ATRNL1: variants seen among roughly 807,000 people sequenced by gnomAD.
ATRNL1 encodes the protein attractin like 1.
In ATRNL1, 95 loss-of-function variants were observed where a neutral mutation model predicts 182.7. The ratio of observed to expected loss-of-function variants is 0.52; its 90% CI spans 0.44 to 0.62. The LOEUF (loss-of-function observed/expected upper bound fraction) is 0.62. ATRNL1 is among the 20% of genes least tolerant of loss of function. ATRNL1 has a pLI of 0.00. For missense variants in ATRNL1, 1,471 were observed against 1,679.5 expected, an observed-to-expected ratio of 0.88 and a Z score of 2.17; for synonymous variants, 576 against 568.3, an observed-to-expected ratio of 1.01 and a Z score of -0.19.
intron 25 of ATRNL1, among the ~76,000 whole-genome samples, chr10:115,536,028 G>T (rs1351754391): frequency 2.0e-5 from 3 of 151,918 alleles, no homozygotes; most frequent in African/African-American, 7.3e-5. Context: ...ACTGGGGGGA[G>T]CCTCCCAGTT....
At chr10:115,490,466 T>C (rs1162720517) in intron 24 of ATRNL1, among the ~76,000 whole-genome samples, 1 of 152,192 alleles carries the variant, frequency 6.6e-6, no homozygotes, top group Non-Finnish European at 1.5e-5. Flanking sequence ...TTTATTTCTT[T>C]GAGTTGATCT....
intron 26 of ATRNL1, among the ~76,000 whole-genome samples, chr10:115,561,015 C>T (rs939750788): frequency 5.9e-5 from 9 of 151,942 alleles, no homozygotes; most frequent in East Asian, 1.9e-4. Flanking sequence ...CAATAGGAAT[C>T]GATACACCAA....
In ATRNL1 at chr10:115,309,904, A is replaced by G. The variant is rs1195928050; in HGVS notation, c.2819-5614A>G. 2.0e-5 allele frequency among the ~76,000 whole-genome samples: 3 copies of G among 152,116 alleles called. No homozygotes were observed. The East Asian group carries it at 5.8e-4, about 29-fold the overall frequency. On this transcript the variant is annotated intron_variant, in intron 17 of 28. Transcript: ENST00000355044. Reference sequence around the variant, plus strand: ...AGTACTATATTAAATAGAAGTGACGAAAGTGGGCCTACCTGTCTTCTTCTA... The same window carrying G: ...AGTACTATATTAAATAGAAGTGACGGAAGTGGGCCTACCTGTCTTCTTCTA...
intron 26 of ATRNL1, among the ~76,000 whole-genome samples, chr10:115,691,740 A>C (rs11197409): frequency 0.33 from 49,782 of 151,930 alleles, 8,959 homozygotes; most frequent in Middle Eastern, 0.41. Flanking sequence ...TCAATCAATC[A>C]ATCAATCAAT....
intron 26 of ATRNL1, among the ~76,000 whole-genome samples, chr10:115,670,190 A>T (rs1555040971): frequency 6.6e-6 from 1 of 152,054 alleles, no homozygotes; most frequent in Non-Finnish European, 1.5e-5. Flanking sequence ...ATCCATATAC[A>T]TAGGGATAGT....
chr10:115,832,984 A>C (rs1328023089), intron 27 of ATRNL1, among the ~76,000 whole-genome samples: 1 of 152,200 alleles, frequency 6.6e-6, no homozygotes, highest in Admixed American at 6.5e-5. Flanking sequence ...TTTATGTCCC[A>C]GTATTTCATT....
intron 15 of ATRNL1, among the ~76,000 whole-genome samples, chr10:115,297,066 C>G (rs1853229591): frequency 6.6e-6 from 1 of 152,084 alleles, no homozygotes; most frequent in Non-Finnish European, 1.5e-5. Flanking sequence ...CTATGTCTTA[C>G]AGGATTTGGA....
chr10:115,698,522 G>A (rs1006759160), intron 26 of ATRNL1, among the ~76,000 whole-genome samples: 2 of 152,184 alleles, frequency 1.3e-5, no homozygotes, highest in East Asian at 1.9e-4. Flanking sequence ...GCTCAAGCCT[G>A]TAATCCCAGC....
chr10:115,773,989 T>G (rs1725182279), intron 27 of ATRNL1, among the ~76,000 whole-genome samples: 1 of 152,106 alleles, frequency 6.6e-6, no homozygotes, highest in Non-Finnish European at 1.5e-5. Context: ...AACCTGAGGT[T>G]CAAGAGCCTA....
intron 20 of ATRNL1, among the ~76,000 whole-genome samples, chr10:115,419,186 C>A (rs529707807): frequency 3.3e-5 from 5 of 151,938 alleles, no homozygotes; most frequent in African/African-American, 7.2e-5. Flanking sequence ...CTTTCCTTTG[C>A]GATCAAAATT....
chr10:115,873,868 G>A (rs1555106643), intron 28 of ATRNL1, among the ~76,000 whole-genome samples: 1 of 152,138 alleles, frequency 6.6e-6, no homozygotes. Flanking sequence ...AAATGATATT[G>A]AGAATTCTCT....
At chr10:115,575,795 C>A (rs1854668137) in intron 26 of ATRNL1, among the ~76,000 whole-genome samples, 1 of 151,900 alleles carries the variant, frequency 6.6e-6, no homozygotes. Flanking sequence ...TTTCAATATA[C>A]AATACAGTAT....
intron 15 of ATRNL1, among the ~76,000 whole-genome samples, chr10:115,292,312 T>C (rs1554921136): frequency 6.6e-6 from 1 of 151,942 alleles, no homozygotes; most frequent in Non-Finnish European, 1.5e-5. Context: ...ACATTTTGTG[T>C]CATTGATCTT....
intron 26 of ATRNL1, among the ~76,000 whole-genome samples, chr10:115,669,562 C>A (rs1371210562): frequency 1.3e-5 from 2 of 152,040 alleles, no homozygotes; most frequent in Non-Finnish European, 1.5e-5. Context: ...TGGGAGAATC[C>A]CTTTCTTGTG....
chr10:115,200,496 T>C (rs1315980118), intron 8 of ATRNL1, among the ~76,000 whole-genome samples: 1 of 150,582 alleles, frequency 6.6e-6, no homozygotes, highest in Admixed American at 6.6e-5. Flanking sequence ...TTTGTCCTTG[T>C]GATAGTTTAC....
chr10:115,197,948 C>A (rs1046474694), intron 8 of ATRNL1, among the ~76,000 whole-genome samples: 1 of 152,126 alleles, frequency 6.6e-6, no homozygotes, highest in Non-Finnish European at 1.5e-5. Context: ...GATTCCATAT[C>A]TTGGCTATTG....
intron 1 of ATRNL1, among the ~76,000 whole-genome samples, chr10:115,105,383 A>G (rs1159542936): frequency 6.6e-6 from 1 of 152,234 alleles, no homozygotes; most frequent in Non-Finnish European, 1.5e-5. Context: ...ACAGAGCATA[A>G]AAATTTGGGA....
At chr10:115,368,714 C>G (rs1015326550) in intron 19 of ATRNL1, among the ~76,000 whole-genome samples, 1 of 146,520 alleles carries the variant, frequency 6.8e-6, no homozygotes, top group Non-Finnish European at 1.5e-5. Context: ...ATATTCGATT[C>G]TATTTTTTTT....
chr10:115,599,548 A>T (rs1316626912), intron 26 of ATRNL1, among the ~76,000 whole-genome samples: 1 of 152,140 alleles, frequency 6.6e-6, no homozygotes, highest in East Asian at 1.9e-4. Flanking sequence ...GTTATTCTAC[A>T]AGGGCTTGGC....
Sources: allele counts gnomAD v4.1 joint callset (sites outside exome capture counted in the v4.1 genomes callset), GRCh38; gene constraint gnomAD v4.1.1; transcripts MANE v1.5; gene names NCBI Gene and HGNC (gene_info 2026-07-23, HGNC 2026-07-21).